Variants in RAD51B observed in about 807,000 individuals in gnomAD.
RAD51B encodes RAD51 paralog B.
A neutral mutation model predicts 42.2 loss-of-function variants in RAD51B; 38 were observed. The ratio of observed to expected loss-of-function variants is 0.90; its 90% CI spans 0.70 to 1.18. The LOEUF is 1.18. RAD51B is among the 50% of genes most tolerant of loss of function. The probability of loss-of-function intolerance (pLI) is 0.00; values close to 1 mark genes in which losing one functional copy is unlikely to be tolerated. For synonymous variants in RAD51B, 154 were observed against 145.2 expected, an observed-to-expected ratio of 1.06 and a Z score of -0.43; for missense variants, 373 against 400.7, an observed-to-expected ratio of 0.93 and a Z score of 0.59.
At chr14:68,367,031 A>T (rs1057087743) in intron 8 of RAD51B, among the ~76,000 whole-genome samples, 2 of 152,262 alleles carry the variant, frequency 1.3e-5, no homozygotes, top group Non-Finnish European at 2.9e-5. Context: ...TTCCAACTGT[A>T]ACATTTCACT....
intron 10 of RAD51B, among the ~76,000 whole-genome samples, chr14:68,512,113 T>G (rs143814881): frequency 2.6e-5 from 4 of 152,298 alleles, no homozygotes; most frequent in East Asian, 3.9e-4. Context: ...CCCTCTTGAG[T>G]GTGCCTTTCA....
chr14:68,636,178 G>A (rs1227378573), intron 10 of RAD51B, among the ~76,000 whole-genome samples: 3 of 152,210 alleles, frequency 2.0e-5, no homozygotes, highest in African/African-American at 7.2e-5. Flanking sequence ...GGGGTAGACA[G>A]AGTCAGCTTT....
intron 7 of RAD51B, among the ~76,000 whole-genome samples, chr14:67,900,630 C>G (rs1221822674): frequency 8.1e-6 from 1 of 123,932 alleles, no homozygotes; most frequent in African/African-American, 3.7e-5. Flanking sequence ...GTGTGTCATA[C>G]ACACACACAC....
rs757646390 is a variant in RAD51B at position 68,178,425 on chromosome 14, T to C, written c.757-113459T>C. On this transcript the variant is annotated intron_variant, in intron 7 of 10. Transcript: ENST00000471583. ...CCCATGTCTCTACTCTTCAGTCTCA[T>C]GCATAAAGAAACAGGGTTCCCTACT... Among the ~76,000 whole-genome samples, 33 of 152,312 alleles carry C rather than the reference T, an allele frequency of 2.2e-4. 1 individual carries two copies. The highest frequency in any genetic ancestry group is 3.4e-3 in the Middle Eastern group (1 of 294).
intron 8 of RAD51B, among the ~76,000 whole-genome samples, chr14:68,378,054 C>T (rs1257082019): frequency 6.6e-6 from 1 of 152,152 alleles, no homozygotes; most frequent in East Asian, 1.9e-4. Context: ...TTGCAAGTCT[C>T]AATTTTTCCC....
intron 7 of RAD51B, among the ~76,000 whole-genome samples, chr14:67,926,386 A>G (rs1370866692): frequency 6.6e-6 from 1 of 152,152 alleles, no homozygotes; most frequent in Non-Finnish European, 1.5e-5. Context: ...GCTAAAACAT[A>G]GCAAGAGTCA....
At chr14:68,212,210 G>T (rs1384495683) in intron 7 of RAD51B, among the ~76,000 whole-genome samples, 2 of 152,194 alleles carry the variant, frequency 1.3e-5, no homozygotes, top group Non-Finnish European at 2.9e-5. Context: ...TAGTAAAAAA[G>T]GGAGATAATA....
rs79774491 is a variant in RAD51B at position 67,928,150 on chromosome 14, C to A, written c.756+40946C>A. Among the ~76,000 whole-genome samples, 1,220 of 152,056 alleles carry A rather than the reference C, an allele frequency of 8.0e-3. 15 individuals are homozygous for A. Among genetic ancestry groups the A allele is most frequent in the African/African-American group, 0.028 (1,143 of 41,464 alleles). ...GTACTGGGCTTTTTTTCTTGAGAGA[C>A]TTTTTGTTCCTGGTTCAATCTTGAT... is the stretch of plus-strand genomic sequence containing the variant. On this transcript the variant is annotated intron_variant, in intron 7 of 10. Coordinates refer to ENST00000471583, the MANE Select transcript of RAD51B (RefSeq NM_133510.4).
intron 10 of RAD51B, among the ~76,000 whole-genome samples, chr14:68,472,802 T>G (rs2086159234): frequency 6.6e-6 from 1 of 152,158 alleles, no homozygotes; most frequent in African/African-American, 2.4e-5. Context: ...CCACTTGGCA[T>G]AGGGTGGCAG....
intron 7 of RAD51B, among the ~76,000 whole-genome samples, chr14:67,939,395 A>G (rs1336417634): frequency 1.3e-5 from 2 of 152,224 alleles, no homozygotes; most frequent in African/African-American, 4.8e-5. Flanking sequence ...TAGATAGTAT[A>G]TAGAAAATTG....
At chr14:68,530,351 A>G (rs1407787732) in intron 10 of RAD51B, among the ~76,000 whole-genome samples, 2 of 145,450 alleles carry the variant, frequency 1.4e-5, no homozygotes, top group Non-Finnish European at 1.5e-5. Flanking sequence ...GAGGGCTGAT[A>G]TGGGAGGATT....
At chr14:68,640,381 T>C (rs1299687058) in intron 10 of RAD51B, among the ~76,000 whole-genome samples, 1 of 152,202 alleles carries the variant, frequency 6.6e-6, no homozygotes, top group African/African-American at 2.4e-5. Context: ...GGCAGACTGG[T>C]AGCTACTTTT....
chr14:68,588,446 T>G (rs1243499813), intron 10 of RAD51B, among the ~76,000 whole-genome samples: 1 of 152,212 alleles, frequency 6.6e-6, no homozygotes, highest in Non-Finnish European at 1.5e-5. Context: ...ACCATGAATT[T>G]CAGAGCCAAC....
intron 11 of RAD51B, among the ~76,000 whole-genome samples, chr14:68,680,637 C>A (rs1029325769): frequency 1.1e-4 from 16 of 152,062 alleles, no homozygotes; most frequent in Non-Finnish European, 2.1e-4. Flanking sequence ...GATGGCCACA[C>A]CCTTTGTTAA....
At chr14:68,471,302 A>G (rs1029161569) in intron 10 of RAD51B, among the ~76,000 whole-genome samples, 5 of 152,186 alleles carry the variant, frequency 3.3e-5, no homozygotes, top group Non-Finnish European at 7.4e-5. Context: ...CCGTGGGGGT[A>G]GGGAATGATC....
chr14:68,307,946 A>C (rs1488995640), intron 8 of RAD51B, among the ~76,000 whole-genome samples: 1 of 152,218 alleles, frequency 6.6e-6, no homozygotes, highest in African/African-American at 2.4e-5. Context: ...CTTGCAACAC[A>C]AACATCTGGA....
intron 7 of RAD51B, among the ~76,000 whole-genome samples, chr14:67,980,646 G>A (rs1291513186): frequency 5.3e-5 from 8 of 152,140 alleles, no homozygotes; most frequent in African/African-American, 1.7e-4. Flanking sequence ...CACGGGTGAA[G>A]GGCCAAACTT....
chr14:68,657,479 C>T (rs1215844805), intron 11 of RAD51B, among the ~76,000 whole-genome samples: 1 of 152,240 alleles, frequency 6.6e-6, no homozygotes, highest in Non-Finnish European at 1.5e-5. Flanking sequence ...CTGCACCAGC[C>T]TCCCCATCAT....
At position 68,579,470 on chromosome 14, in the gene RAD51B, G is replaced by C. The variant is rs140263851; in HGVS notation, c.1037-15015G>C. Among the ~76,000 whole-genome samples, 495 of 152,288 alleles carry C rather than the reference G, an allele frequency of 3.3e-3. 3 individuals are homozygous for C. Among genetic ancestry groups the C allele is most frequent in the African/African-American group, 0.012 (482 of 41,548 alleles). On this transcript the variant is annotated intron_variant, in intron 10 of 10. Coordinates refer to the RAD51B transcript ENST00000487270. ...CTGGGTGTTTGTGTTTGAGGATAGA[G>C]TGCCAGATGTTGCAAATAAACATAG...
Sources: gnomAD v4.1 joint callset for allele counts (sites outside exome capture counted in the v4.1 genomes callset) on GRCh38, gnomAD v4.1.1 for gene constraint, MANE v1.5 for transcripts, NCBI Gene and HGNC (gene_info 2026-07-23, HGNC 2026-07-21) for gene names.